WDR70: variants seen among roughly 807,000 people sequenced by gnomAD.
WDR70 encodes the protein WD repeat-containing protein 70.
WDR70 carries 53 observed loss-of-function variants against 88.6 expected under a neutral mutation model. The observed-to-expected ratio is 0.60, with a 90% CI of 0.48 to 0.75. The LOEUF is 0.75. WDR70 is among the 30% of genes least tolerant of loss of function. The probability of loss-of-function intolerance (pLI) is 0.00; values close to 1 mark genes in which losing one functional copy is unlikely to be tolerated. For synonymous variants in WDR70, 280 were observed against 270.0 expected (o/e 1.04, Z -0.36); for missense variants, 610 against 823.2 (o/e 0.74, Z 3.17).
At position 37,569,007 on chromosome 5, in the gene WDR70, T is replaced by A. The variant is rs545913103; in HGVS notation, c.918-36057T>A. Among the ~76,000 whole-genome samples the A allele has an allele frequency of 5.3e-5, 8 of 152,222 alleles. No individual in the cohort carries two copies. In the South Asian group the frequency reaches 1.0e-3, roughly 20 times the overall value. ...GGATATGTTCTCACCAGTCACCCCATCCAAGAGCTAGCCAGCCACAATATA... is the reference window on the plus strand; with the variant it reads ...GGATATGTTCTCACCAGTCACCCCAACCAAGAGCTAGCCAGCCACAATATA... On this transcript the variant is annotated intron_variant, in intron 9 of 17. Transcript: ENST00000265107.
chr5:37,453,309 C>T (rs1738730913), intron 7 of WDR70, among the ~76,000 whole-genome samples: 1 of 152,148 alleles, frequency 6.6e-6, no homozygotes, highest in Admixed American at 6.5e-5. Flanking sequence ...GATTTACCCA[C>T]ATATTTATTA....
At chr5:37,632,178 G>A (rs1406203155) in intron 10 of WDR70, among the ~76,000 whole-genome samples, 4 of 152,124 alleles carry the variant, frequency 2.6e-5, no homozygotes, top group African/African-American at 4.8e-5. Flanking sequence ...TGTGTTACTC[G>A]TGTTTGTAGT....
rs114805125 is a variant in WDR70 at position 37,469,028 on chromosome 5, A to G, written c.687-10806A>G. On this transcript the variant is annotated intron_variant, in intron 7 of 17. Coordinates refer to ENST00000265107, the MANE Select transcript of WDR70 (RefSeq NM_018034.4). Reference sequence around the variant, plus strand: ...CCTATCCTCACAGAACTTTGATTCTAATGAGGGAAGACTGACTATAAACAA... The same window carrying G: ...CCTATCCTCACAGAACTTTGATTCTGATGAGGGAAGACTGACTATAAACAA... Among the ~76,000 whole-genome samples the G allele has an allele frequency of 9.7e-3, 1,484 of 152,302 alleles. 34 individuals are homozygous for G. The highest frequency in any genetic ancestry group is 0.035 in the African/African-American group (1,437 of 41,560).
At chr5:37,386,394 C>T (rs1748617281) in intron 3 of WDR70, among the ~76,000 whole-genome samples, 1 of 152,088 alleles carries the variant, frequency 6.6e-6, no homozygotes, top group Admixed American at 6.6e-5. Flanking sequence ...ATGGTGCAAT[C>T]TAGGCTCACT....
At chr5:37,596,358 C>T (rs1487031615) in intron 9 of WDR70, among the ~76,000 whole-genome samples, 1 of 152,162 alleles carries the variant, frequency 6.6e-6, no homozygotes, top group African/African-American at 2.4e-5. Flanking sequence ...TAGCTGCATA[C>T]TCCAATATAC....
At chr5:37,736,613 G>GTTTTTTTTTTT (rs10718548) in intron 17 of WDR70, among the ~76,000 whole-genome samples, 1 of 134,570 alleles carries the variant, frequency 7.4e-6, no homozygotes. Flanking sequence ...GGTGTATGTA[G>GTTTTTTTTTTT]TTTTTTTTTT....
chr5:37,720,988 G>A, intron 13 of WDR70, 127 bp from the exon 14 acceptor site: 1 of 761,968 alleles, frequency 1.3e-6, no homozygotes, highest in Non-Finnish European at 2.2e-6. Context: ...AAAAGAAAAT[G>A]TCTGAAAGTT....
At chr5:37,388,033 T>C (rs1159170886) in intron 3 of WDR70, among the ~76,000 whole-genome samples, 1 of 152,020 alleles carries the variant, frequency 6.6e-6, no homozygotes. Flanking sequence ...CTGTGAAGGG[T>C]CTGGAAATGA....
intron 9 of WDR70, among the ~76,000 whole-genome samples, chr5:37,530,014 G>C (rs966808100): frequency 1.3e-5 from 2 of 152,040 alleles, no homozygotes; most frequent in African/African-American, 4.8e-5. Context: ...CAATTTTGCT[G>C]AGGGTTTTAA....
chr5:37,406,176 G>A (rs1200421049), intron 5 of WDR70, among the ~76,000 whole-genome samples: 1 of 152,074 alleles, frequency 6.6e-6, no homozygotes, highest in Non-Finnish European at 1.5e-5. Context: ...CCAGGCTATG[G>A]GTAGGCCAAA....
intron 5 of WDR70, among the ~76,000 whole-genome samples, chr5:37,407,408 C>A (rs1749385955): frequency 6.6e-6 from 1 of 151,898 alleles, no homozygotes; most frequent in African/African-American, 2.4e-5. Context: ...CCTGTGGTCC[C>A]AGTTACTCAG....
intron 3 of WDR70, among the ~76,000 whole-genome samples, chr5:37,388,427 T>TTTC (rs1294155736): frequency 2.3e-3 from 1 of 442 alleles, no homozygotes. Flanking sequence ...AAATACAGAC[T>TTTC]TTTTTTTTTT....
chr5:37,450,037 G>T (rs1738628181), intron 7 of WDR70, among the ~76,000 whole-genome samples: 1 of 152,080 alleles, frequency 6.6e-6, no homozygotes. Context: ...TGAGAATGAT[G>T]GTTTCCAGCT....
rs1265083506 is a variant in WDR70, at chr5:37,574,451, AGTTTCCTTT to A, written c.918-30604_918-30596del. Among the ~76,000 whole-genome samples the A allele has an allele frequency of 2.6e-5, 4 of 152,216 alleles. No individual in the cohort carries two copies. The East Asian group carries it at 7.7e-4, about 29-fold the overall frequency. ...CTTACCTTAGTCATCACTTCTTCTC[AGTTTCCTTT>A]GTTTCCTTCTCCTCTTGTTGTCAAC... On this transcript the variant is annotated intron_variant, in intron 9 of 17. Coordinates refer to ENST00000265107, the MANE Select transcript of WDR70 (RefSeq NM_018034.4).
intron 7 of WDR70, among the ~76,000 whole-genome samples, chr5:37,450,446 C>T (rs919087533): frequency 6.6e-6 from 1 of 152,148 alleles, no homozygotes; most frequent in Non-Finnish European, 1.5e-5. Flanking sequence ...CTCTCTACAT[C>T]CACGTTAACC....
At chr5:37,736,688 C>T (rs984180075) in intron 17 of WDR70, among the ~76,000 whole-genome samples, 1 of 149,444 alleles carries the variant, frequency 6.7e-6, no homozygotes, top group South Asian at 2.2e-4. Flanking sequence ...CCATCCTAAA[C>T]CAACTCAAGG....
chr5:37,720,474 C>T (rs1747776111), intron 13 of WDR70, among the ~76,000 whole-genome samples: 1 of 152,162 alleles, frequency 6.6e-6, no homozygotes. Context: ...ATTTTCCTTA[C>T]CAGTAATGAA....
chr5:37,568,241 G>T lies in WDR70; in HGVS notation c.918-36823G>T, dbSNP rs187350550. 4.6e-5 allele frequency among the ~76,000 whole-genome samples: 7 copies of T among 152,302 alleles called. No homozygotes were observed. The East Asian group carries it at 1.3e-3, about 29-fold the overall frequency. The stretch of plus-strand genomic sequence containing the variant: ...GGAGAATTTTATCTCTGTAGCAGGT[G>T]TGTGGGAAGTGTTTGGCAGGTGTGG... On this transcript the variant is annotated intron_variant, in intron 9 of 17. Transcript: ENST00000265107.
At chr5:37,625,874 T>C (rs910743879) in intron 10 of WDR70, among the ~76,000 whole-genome samples, 2 of 152,136 alleles carry the variant, frequency 1.3e-5, no homozygotes, top group Non-Finnish European at 2.9e-5. Flanking sequence ...TTTCTGTTCT[T>C]TGTATATTCT....
Sources: allele counts gnomAD v4.1 joint callset (sites outside exome capture counted in the v4.1 genomes callset), GRCh38; gene constraint gnomAD v4.1.1; transcripts MANE v1.5; gene names NCBI Gene and HGNC (gene_info 2026-07-23, HGNC 2026-07-21).